Variants in KCNQ3 observed in about 807,000 individuals in gnomAD.
KCNQ3 encodes potassium voltage-gated channel subfamily KQT member 3.
In KCNQ3, 30 loss-of-function variants were observed where a neutral mutation model predicts 92.5. The observed-to-expected ratio is 0.32, with a 90% CI of 0.24 to 0.44. The LOEUF is 0.44. KCNQ3 is among the 20% of genes least tolerant of loss of function. The pLI, the probability that KCNQ3 is intolerant of heterozygous loss-of-function variation, is 1.00. For synonymous variants in KCNQ3, 450 were observed against 468.8 expected (o/e 0.96, Z 0.52); for missense variants, 913 against 1,140.3 (o/e 0.80, Z 2.87).
intron 1 of KCNQ3, among the ~76,000 whole-genome samples, chr8:132,476,653 T>C (rs982937148): frequency 6.6e-6 from 1 of 152,226 alleles, no homozygotes; most frequent in Non-Finnish European, 1.5e-5. Flanking sequence ...TATACTCCCA[T>C]TGTATCTTGG....
rs1248367609 is a variant in KCNQ3, at chr8:132,134,283, G to C, written c.1799+7C>G. ...CTGGCCCATCAGTCCATGTCCACTGGCCCCACCTGGGAGATTGCTGGGATG... is the reference window on the plus strand; with the variant it reads ...CTGGCCCATCAGTCCATGTCCACTGCCCCCACCTGGGAGATTGCTGGGATG... On this transcript the variant is annotated splice_region_variant and intron_variant, in intron 13 of 14. Coordinates refer to ENST00000388996, the MANE Select transcript of KCNQ3 (RefSeq NM_004519.4). 6.2e-7 allele frequency: 1 copy of C among 1,608,992 alleles called. No homozygotes were observed. Among genetic ancestry groups the C allele is most frequent in the Admixed American group, 1.7e-5 (1 of 60,016 alleles).
chr8:132,479,848 T>A (rs1822502800), intron 1 of KCNQ3, among the ~76,000 whole-genome samples: 1 of 151,972 alleles, frequency 6.6e-6, no homozygotes, highest in South Asian at 2.1e-4. Flanking sequence ...CCCTAGAAGA[T>A]GTCATAAATG....
At chr8:132,135,102 T>A (rs1252522538) in intron 12 of KCNQ3, among the ~76,000 whole-genome samples, 2 of 152,228 alleles carry the variant, frequency 1.3e-5, no homozygotes, top group Non-Finnish European at 2.9e-5. Context: ...CCCCAGAACC[T>A]GTTGTTTCCT....
chr8:132,304,537 C>T (rs900274865), intron 1 of KCNQ3, among the ~76,000 whole-genome samples: 3 of 152,152 alleles, frequency 2.0e-5, no homozygotes, highest in African/African-American at 7.2e-5. Flanking sequence ...TACAGTAACC[C>T]TAACCACCTG....
chr8:132,232,380 C>G (rs1313148486), intron 1 of KCNQ3, among the ~76,000 whole-genome samples: 1 of 152,188 alleles, frequency 6.6e-6, no homozygotes, highest in Admixed American at 6.5e-5. Context: ...AGGATTTACA[C>G]ACAGGACTCA....
intron 1 of KCNQ3, among the ~76,000 whole-genome samples, chr8:132,277,768 G>C (rs763951806): frequency 6.6e-5 from 10 of 152,016 alleles, no homozygotes; most frequent in Non-Finnish European, 5.9e-5. Context: ...CCCTGCCCTA[G>C]CCCCTCACCA....
intron 1 of KCNQ3, among the ~76,000 whole-genome samples, chr8:132,389,933 C>A (rs1820005202): frequency 6.6e-6 from 1 of 152,162 alleles, no homozygotes; most frequent in South Asian, 2.1e-4. Flanking sequence ...ACAAACTTTG[C>A]AAGCACACAC....
intron 1 of KCNQ3, among the ~76,000 whole-genome samples, chr8:132,373,410 A>G (rs984779599): frequency 1.3e-5 from 2 of 152,280 alleles, no homozygotes; most frequent in Non-Finnish European, 2.9e-5. Context: ...CATACTAAGA[A>G]TCATATAATA....
At chr8:132,441,976 A>G (rs1419437764) in intron 1 of KCNQ3, among the ~76,000 whole-genome samples, 1 of 152,216 alleles carries the variant, frequency 6.6e-6, no homozygotes, top group Non-Finnish European at 1.5e-5. Context: ...ACACAGGAAC[A>G]GAAAAACAAA....
intron 1 of KCNQ3, among the ~76,000 whole-genome samples, chr8:132,474,981 T>A (rs2130869692): frequency 1.3e-5 from 2 of 152,248 alleles, no homozygotes; most frequent in African/African-American, 4.8e-5. Context: ...GGGGGTGGAT[T>A]TCCCCCTTGC....
chr8:132,344,163 T>C (rs1432469330), intron 1 of KCNQ3, among the ~76,000 whole-genome samples: 3 of 152,212 alleles, frequency 2.0e-5, no homozygotes, highest in African/African-American at 7.2e-5. Flanking sequence ...TGATCTCATC[T>C]GATTATATCC....
intron 1 of KCNQ3, among the ~76,000 whole-genome samples, chr8:132,423,053 CAA>C (rs1821015202): frequency 6.6e-6 from 1 of 152,164 alleles, no homozygotes; most frequent in African/African-American, 2.4e-5. Context: ...GCTAAAATGC[CAA>C]TCCCCTCTCC....
At chr8:132,220,952 G>A (rs1814207057) in intron 1 of KCNQ3, among the ~76,000 whole-genome samples, 1 of 152,030 alleles carries the variant, frequency 6.6e-6, no homozygotes, top group African/African-American at 2.4e-5. Flanking sequence ...TTCTTCTAAT[G>A]TGATCCCTCC....
intron 1 of KCNQ3, among the ~76,000 whole-genome samples, chr8:132,200,700 G>A (rs1340333703): frequency 3.3e-5 from 5 of 152,140 alleles, no homozygotes; most frequent in Non-Finnish European, 7.3e-5. Flanking sequence ...AGGGCCTGCA[G>A]TTTAAGCTTC....
intron 1 of KCNQ3, among the ~76,000 whole-genome samples, chr8:132,300,074 T>A (rs962480681): frequency 5.9e-5 from 9 of 152,218 alleles, no homozygotes; most frequent in Non-Finnish European, 1.2e-4. Flanking sequence ...GTCTCATTCA[T>A]CTTTGTCTCC....
Position 132,322,020 on chromosome 8 carries a change from G to C in KCNQ3, c.387-135839C>G, listed in dbSNP as rs74655273. On this transcript the variant is annotated intron_variant, in intron 1 of 14. Transcript: ENST00000388996. ...ATTTTCTTGAAAATGACTTGGATGT[G>C]GCCTGAGGACAAGGTGTGGCAGAAG... 8.6e-3 allele frequency among the ~76,000 whole-genome samples: 1,309 copies of C among 152,210 alleles called. 9 individuals are homozygous for C. The highest frequency in any genetic ancestry group is 0.014 in the Non-Finnish European group (927 of 68,028).
intron 1 of KCNQ3, among the ~76,000 whole-genome samples, chr8:132,415,275 G>C (rs1213688065): frequency 6.6e-6 from 1 of 152,102 alleles, no homozygotes; most frequent in East Asian, 1.9e-4. Context: ...GAGTGTAGCA[G>C]GCATAAGGAT....
At chr8:132,421,831 G>A (rs1223413543) in intron 1 of KCNQ3, among the ~76,000 whole-genome samples, 1 of 152,124 alleles carries the variant, frequency 6.6e-6, no homozygotes, top group East Asian at 1.9e-4. Context: ...TAATGGGAGA[G>A]ACATCTGGAT....
chr8:132,343,630 C>G (rs1256964391), intron 1 of KCNQ3, among the ~76,000 whole-genome samples: 1 of 152,134 alleles, frequency 6.6e-6, no homozygotes, highest in Non-Finnish European at 1.5e-5. Context: ...AGGGCCACCA[C>G]CAAGGTGCTG....
Sources: allele counts gnomAD v4.1 joint callset (sites outside exome capture counted in the v4.1 genomes callset), GRCh38; gene constraint gnomAD v4.1.1; transcripts MANE v1.5; gene names NCBI Gene and HGNC (gene_info 2026-07-23, HGNC 2026-07-21).